The following KCNC1 variants were observed in gnomAD, a reference collection of about 807,000 sequenced individuals.
KCNC1 encodes potassium voltage-gated channel subfamily C member 1.
KCNC1 carries 8 observed loss-of-function variants against 43.4 expected under a neutral mutation model. That is an observed-to-expected ratio of 0.18 (90% confidence interval 0.11 to 0.33). The LOEUF is 0.33. KCNC1 is among the 10% of genes least tolerant of loss of function. KCNC1 has a pLI of 1.00. For synonymous variants in KCNC1, 361 were observed against 360.5 expected (o/e 1.00, Z -0.01); for missense variants, 420 against 836.0 (o/e 0.50, Z 6.14).
intron 1 of KCNC1, among the ~76,000 whole-genome samples, chr11:17,770,173 C>T (rs2133803707): frequency 6.6e-6 from 1 of 152,362 alleles, no homozygotes; most frequent in Non-Finnish European, 1.5e-5. Flanking sequence ...AAGGCGGCCT[C>T]TAGGGGCAGC....
intron 1 of KCNC1, among the ~76,000 whole-genome samples, chr11:17,753,014 T>G (rs2133789646): frequency 6.6e-6 from 1 of 152,336 alleles, no homozygotes; most frequent in South Asian, 2.1e-4. Flanking sequence ...GAAAGCTGCA[T>G]AGATGGGTGG....
Position 17,773,159 on chromosome 11 carries a change from C to A in KCNC1, c.1504+561C>A, listed in dbSNP as rs1273918377. ...CTGTCTCCATAGCTGAGTAGAATTC[C>A]TGCCCTGATTTCGGGCTGCCCAGCT... On this transcript the variant is annotated intron_variant, in intron 2 of 3. Transcript: ENST00000265969. The surrounding 1 kb of genome is among the most constrained non-coding windows in gnomAD (Gnocchi z 4.1). 5.1e-6 allele frequency: 5 copies of A among 986,914 alleles called. No individual in the cohort carries two copies. The African/African-American group carries it at 7.0e-5, about 14-fold the overall frequency. 61.1% of individuals were successfully genotyped at this position (986,914 alleles called of 1,614,324 possible).
chr11:17,778,475 A>G lies in KCNC1; in HGVS notation c.1505-981A>G, dbSNP rs146152957. On this transcript the variant is annotated intron_variant, in intron 2 of 3. Coordinates refer to ENST00000265969, the MANE Select transcript of KCNC1 (RefSeq NM_001112741.2). ...GACAGAGGAATGGGAGCCCCTCCCA[A>G]ATCCATGTCCTGCTGCCACAGCCTC... 2.4e-4 allele frequency among the ~76,000 whole-genome samples: 36 copies of G among 152,294 alleles called. No homozygotes were observed. The East Asian group carries it at 6.2e-3, about 26-fold the overall frequency.
chr11:17,736,664 TA>T lies in KCNC1; in HGVS notation c.570+93del, dbSNP rs113698996. The T allele has an allele frequency of 1.1e-3, 1,572 of 1,437,810 alleles. 12 individuals are homozygous for T. In the African/African-American group the frequency reaches 0.02, roughly 18 times the overall value. The allele number at this position is 1,437,810 out of a possible 1,614,324, so 89.1% of individuals were successfully genotyped here. On this transcript the variant is annotated intron_variant, in intron 1 of 3. Coordinates refer to ENST00000265969, the MANE Select transcript of KCNC1 (RefSeq NM_001112741.2). The surrounding 1 kb of genome is among the most constrained non-coding windows in gnomAD (Gnocchi z 9.3). Reference sequence around the variant, plus strand: ...AGGGGTGGACCGGAGAACTGGCGCCTAGGGAGTTCAGAATCGAAAGGGGGTG... The same window carrying T: ...AGGGGTGGACCGGAGAACTGGCGCCTGGGAGTTCAGAATCGAAAGGGGGTG...
chr11:17,744,828 C>A (rs1381668821), intron 1 of KCNC1, among the ~76,000 whole-genome samples: 1 of 152,026 alleles, frequency 6.6e-6, no homozygotes, highest in African/African-American at 2.4e-5. Flanking sequence ...CCATGCCTGA[C>A]CCTCAGAATT....
At chr11:17,774,628 A>G (rs1464400550) in intron 2 of KCNC1, 1 of 985,428 alleles carries the variant, frequency 1.0e-6, no homozygotes, top group African/African-American at 1.7e-5. Context: ...CCTGAGCTCC[A>G]CAGTCTCTCC....
chr11:17,759,815 T>TATA (rs1849058414), intron 1 of KCNC1, among the ~76,000 whole-genome samples: 1 of 152,080 alleles, frequency 6.6e-6, no homozygotes, highest in Non-Finnish European at 1.5e-5. Context: ...CCATAACAGA[T>TATA]ATAATAATAA....
rs1340362778 is a variant in KCNC1 at position 17,776,959 on chromosome 11, T to C, written c.1505-2497T>C. On this transcript the variant is annotated intron_variant, in intron 2 of 3. Coordinates refer to ENST00000265969, the MANE Select transcript of KCNC1 (RefSeq NM_001112741.2). This position sits in a 1 kb window ranked among gnomAD's most constrained non-coding sequence, Gnocchi z 4.4. ...TTAAGCTTCCCCACCCAATCATTAG[T>C]CCCTCCTCAAAGGTTAGGGTTGAGA... 2.7e-5 allele frequency: 27 copies of C among 985,168 alleles called. No homozygotes were observed. Among genetic ancestry groups the C allele is most frequent in the Non-Finnish European group, 3.1e-5 (26 of 829,962 alleles). 61.0% of individuals were successfully genotyped at this position (985,168 alleles called of 1,614,324 possible).
chr11:17,775,863 G>T, intron 2 of KCNC1: 1 of 985,528 alleles, frequency 1.0e-6, no homozygotes, highest in Non-Finnish European at 1.2e-6. Context: ...GGCTCCCTGG[G>T]AGCTAACCTT....
intron 1 of KCNC1, among the ~76,000 whole-genome samples, chr11:17,745,204 G>A (rs1034101962): frequency 6.6e-6 from 1 of 152,152 alleles, no homozygotes. Context: ...ATGGGCGTGT[G>A]TGGGTTGGCA....
intron 1 of KCNC1, among the ~76,000 whole-genome samples, chr11:17,745,370 C>T (rs1355379695): frequency 6.6e-6 from 1 of 152,182 alleles, no homozygotes; most frequent in Admixed American, 6.5e-5. Context: ...CTCTCTCTCT[C>T]AGACATCAAC....
At chr11:17,754,860 G>T (rs750561878) in intron 1 of KCNC1, among the ~76,000 whole-genome samples, 2 of 152,222 alleles carry the variant, frequency 1.3e-5, no homozygotes, top group Non-Finnish European at 2.9e-5. Flanking sequence ...AAATCCTGCT[G>T]CCACTTCTGA....
chr11:17,743,132 G>C (rs1273529459), intron 1 of KCNC1, among the ~76,000 whole-genome samples: 1 of 152,124 alleles, frequency 6.6e-6, no homozygotes, highest in African/African-American at 2.4e-5. Context: ...TTCTCACAAG[G>C]CTCTCAAGGC....
chr11:17,758,801 C>T (rs145236636), intron 1 of KCNC1, among the ~76,000 whole-genome samples: 245 of 152,312 alleles, frequency 1.6e-3, no homozygotes, highest in African/African-American at 5.5e-3. Flanking sequence ...TGCTATCATC[C>T]AGGCTTTGTT....
chr11:17,734,807 C>A lies in KCNC1; in HGVS notation c.-1196C>A, dbSNP rs28526619. ...ACCGCGCGAACGAGCAGGCGACGGG[C>A]GAGCAGCAAGCGGAGCAGCAGCCCG... On this transcript the variant is annotated 5_prime_UTR_variant, in exon 1 of 4. Transcript: ENST00000265969. The A allele has an allele frequency of 0.063, 9,548 of 151,470 alleles. 398 individuals carry two copies. The highest frequency in any genetic ancestry group is 0.1 in the Admixed American group (1,516 of 15,160). 9.4% of individuals were successfully genotyped at this position (151,470 alleles called of 1,614,324 possible).
rs1375665582 is a variant in KCNC1, at chr11:17,771,889, C to T, written c.795C>T (p.Ile265=). 1 of 1,614,136 alleles carries T rather than the reference C, an allele frequency of 6.2e-7. No individual in the cohort carries two copies. The highest frequency in any genetic ancestry group is 8.5e-7 in the Non-Finnish European group (1 of 1,180,046). ...WFTFEFLMRV[I]FCPNKVEFIK... ...CCTTCGAGTTCCTCATGCGTGTCATCTTCTGCCCCAACAAGGTAGAGTTCA... is the reference window on the plus strand; with the variant it reads ...CCTTCGAGTTCCTCATGCGTGTCATTTTCTGCCCCAACAAGGTAGAGTTCA... Residue 265 remains isoleucine, a synonymous_variant, in exon 2 of 4, where the codon ATC becomes ATT. Transcript: ENST00000265969. The surrounding 1 kb of genome is among the most constrained non-coding windows in gnomAD (Gnocchi z 4.7).
chr11:17,775,514 C>T (rs1021159253), intron 2 of KCNC1: 43 of 985,500 alleles, frequency 4.4e-5, no homozygotes, highest in African/African-American at 1.6e-4. Flanking sequence ...GCTAGGAGGG[C>T]GCCCTGGCAC....
chr11:17,763,448 A>T (rs1194081974), intron 1 of KCNC1, among the ~76,000 whole-genome samples: 2 of 151,830 alleles, frequency 1.3e-5, no homozygotes, highest in Non-Finnish European at 2.9e-5. Flanking sequence ...GTTCCCTGGG[A>T]GATGGCCCGG....
chr11:17,743,146 A>G (rs940334099), intron 1 of KCNC1, among the ~76,000 whole-genome samples: 3 of 152,226 alleles, frequency 2.0e-5, no homozygotes, highest in Non-Finnish European at 4.4e-5. Flanking sequence ...TCAAGGCTGC[A>G]CTATACTATC....
Sources: gnomAD v4.1 joint callset for allele counts (sites outside exome capture counted in the v4.1 genomes callset) on GRCh38, gnomAD v4.1.1 for gene constraint, Gnocchi (gnomAD v3.1) non-coding constraint, MANE v1.5 for transcripts, NCBI Gene and HGNC (gene_info 2026-07-23, HGNC 2026-07-21) for gene names.